Variants in CCDC7 observed in about 807,000 individuals in gnomAD.
The protein encoded by CCDC7 is coiled-coil domain-containing protein 7.
Under a neutral mutation model 196.9 loss-of-function variants are expected in CCDC7, and 183 were observed. The observed-to-expected ratio is 0.93, with a 90% CI of 0.82 to 1.05. CCDC7 has a LOEUF of 1.05. Among genes scored for constraint, CCDC7 ranks in the 50% least tolerant of loss-of-function variants. The probability of loss-of-function intolerance (pLI) is 0.00; values close to 1 mark genes in which losing one functional copy is unlikely to be tolerated. For synonymous variants in CCDC7, 525 were observed against 484.6 expected, an observed-to-expected ratio of 1.08 and a Z score of -1.10; for missense variants, 1,540 against 1,482.2, an observed-to-expected ratio of 1.04 and a Z score of -0.64.
chr10:32,737,343 T>C (rs2133023969), intron 28 of CCDC7, among the ~76,000 whole-genome samples: 1 of 152,292 alleles, frequency 6.6e-6, no homozygotes, highest in Non-Finnish European at 1.5e-5. Context: ...TTATCTACTT[T>C]TGGTATTAGG....
intron 28 of CCDC7, among the ~76,000 whole-genome samples, chr10:32,736,090 G>A (rs886516759): frequency 6.6e-6 from 1 of 152,156 alleles, no homozygotes; most frequent in African/African-American, 2.4e-5. Context: ...AAGTTGGGTA[G>A]TGTCAATCCT....
rs533528343 is a variant in CCDC7, at chr10:32,548,363, A to T, written c.1134+4062A>T. Among the ~76,000 whole-genome samples, 22 of 152,316 alleles carry T rather than the reference A, an allele frequency of 1.4e-4. No individual in the cohort carries two copies. The East Asian group carries it at 4.1e-3, about 28-fold the overall frequency. ...CAGAACAGATAATTCAGGTCAGAGCAGGTGACCAGGGTGACTCAGGACGGA... is the reference window on the plus strand; with the variant it reads ...CAGAACAGATAATTCAGGTCAGAGCTGGTGACCAGGGTGACTCAGGACGGA... On this transcript the variant is annotated intron_variant, in intron 13 of 41. Transcript: ENST00000639629.
intron 13 of CCDC7, among the ~76,000 whole-genome samples, chr10:32,553,411 A>C (rs1388605764): frequency 6.6e-6 from 1 of 152,004 alleles, no homozygotes; most frequent in African/African-American, 2.4e-5. Flanking sequence ...ATTCTTTTTC[A>C]GGTAAAGCCG....
exon 31 of CCDC7, chr10:32,814,431 G>C: frequency 6.2e-7 from 1 of 1,611,322 alleles, no homozygotes; most frequent in Non-Finnish European, 8.5e-7. Flanking sequence ...ATGAATTCAA[G>C]ACACGATCAA....
chr10:32,666,180 A>G (rs2140511270), intron 21 of CCDC7, among the ~76,000 whole-genome samples: 1 of 143,558 alleles, frequency 7.0e-6, no homozygotes, highest in South Asian at 2.2e-4. Flanking sequence ...TCCTTGTGGT[A>G]GTCCTTTGGA....
chr10:32,574,165 A>T (rs150284858), intron 16 of CCDC7, among the ~76,000 whole-genome samples: 2 of 152,120 alleles, frequency 1.3e-5, no homozygotes, highest in East Asian at 3.9e-4. Flanking sequence ...GAATCTATAC[A>T]GTGTGCTCAG....
chr10:32,523,540 C>T (rs368354399), intron 11 of CCDC7, among the ~76,000 whole-genome samples: 42 of 136,974 alleles, frequency 3.1e-4, no homozygotes, highest in East Asian at 1.1e-3. Flanking sequence ...CAGAGCAAGA[C>T]GCTGTCTCCA....
chr10:32,770,534 A>G (rs1286692583), intron 28 of CCDC7, among the ~76,000 whole-genome samples: 2 of 152,158 alleles, frequency 1.3e-5, no homozygotes, highest in Non-Finnish European at 1.5e-5. Context: ...GTGGCCTATT[A>G]TATGGTCTGT....
At chr10:32,461,502 G>T (rs2035605898) in intron 3 of CCDC7, among the ~76,000 whole-genome samples, 1 of 151,670 alleles carries the variant, frequency 6.6e-6, no homozygotes, top group African/African-American at 2.4e-5. Context: ...CAAGTAATTT[G>T]CATTTTTCAT....
chr10:32,828,485 G>GGAAGAGGAAGAGGAA (rs2091618916), intron 32 of CCDC7, among the ~76,000 whole-genome samples: 29 of 49,718 alleles, frequency 5.8e-4, no homozygotes, highest in Non-Finnish European at 1.0e-3. Flanking sequence ...AAGAGGAAGA[G>GGAAGAGGAAGAGGAA]GAAGAAGAAG....
chr10:32,714,077 T>G (rs1028886367), intron 25 of CCDC7, among the ~76,000 whole-genome samples: 1 of 152,056 alleles, frequency 6.6e-6, no homozygotes, highest in African/African-American at 2.4e-5. Context: ...CTGTGGGAGT[T>G]TGGTTAGAAA....
At chr10:32,622,684 C>G (rs1039054532) in intron 18 of CCDC7, among the ~76,000 whole-genome samples, 7 of 151,942 alleles carry the variant, frequency 4.6e-5, no homozygotes, top group African/African-American at 7.3e-5. Flanking sequence ...TGTTCTCCAT[C>G]CACTAGATGC....
intron 32 of CCDC7, among the ~76,000 whole-genome samples, chr10:32,831,180 G>A (rs2092122218): frequency 6.6e-6 from 1 of 152,130 alleles, no homozygotes; most frequent in Non-Finnish European, 1.5e-5. Flanking sequence ...TAACACAAGA[G>A]TAAGCAATTC....
At chr10:32,814,277 A>G (rs2087864731) in intron 30 of CCDC7, 93 bp from the exon 32 acceptor site, 1 of 894,082 alleles carries the variant, frequency 1.1e-6, no homozygotes, top group Non-Finnish European at 1.8e-6. Context: ...TTAAGTTAGT[A>G]ACACACACAC....
intron 28 of CCDC7, among the ~76,000 whole-genome samples, chr10:32,750,089 A>G (rs901725790): frequency 1.3e-5 from 2 of 152,222 alleles, no homozygotes; most frequent in African/African-American, 2.4e-5. Flanking sequence ...TAGTTTTACC[A>G]TTTCAGTATG....
At chr10:32,805,205 C>A in intron 30 of CCDC7, 107 bp downstream of exon 31, 1 of 750,522 alleles carries the variant, frequency 1.3e-6, no homozygotes. Flanking sequence ...ATGACATGGG[C>A]ACAGGTTCTC....
rs1431917235 is a variant in CCDC7 at position 32,805,208 on chromosome 10, A to G, written c.3097+110A>G. On this transcript the variant is annotated intron_variant, in intron 30 of 41. Transcript: ENST00000639629. ...CCATTTGTTATTATGACATGGGCAC[A>G]GGTTCTCATGAATACCCTCCCATAT... 12 of 738,722 alleles carry G rather than the reference A, an allele frequency of 1.6e-5. No individual in the cohort carries two copies. The Admixed American group carries it at 1.9e-4, about 12-fold the overall frequency. The allele number at this position is 738,722 out of a possible 1,614,324, so 45.8% of individuals were successfully genotyped here.
At chr10:32,640,876 C>CTTTTTTTTTTTT (rs1193198487) in intron 20 of CCDC7, among the ~76,000 whole-genome samples, 1 of 87,104 alleles carries the variant, frequency 1.1e-5, no homozygotes, top group African/African-American at 3.9e-5. Flanking sequence ...TTTTTTTTTT[C>CTTTTTTTTTTTT]TTTTTTTTTT....
chr10:32,864,060 A>G (rs2094115976), intron 41 of CCDC7, among the ~76,000 whole-genome samples: 1 of 151,818 alleles, frequency 6.6e-6, no homozygotes, highest in African/African-American at 2.4e-5. Context: ...AGGAATACTT[A>G]CAACTCAACA....
Sources: allele counts gnomAD v4.1 joint callset (sites outside exome capture counted in the v4.1 genomes callset), GRCh38; gene constraint gnomAD v4.1.1; transcripts MANE v1.5; gene names NCBI Gene and HGNC (gene_info 2026-07-23, HGNC 2026-07-21).